The following BANK1 variants were observed in gnomAD, a reference collection of about 807,000 sequenced individuals.
BANK1 encodes the protein B cell scaffold protein with ankyrin repeats 1.
Under a neutral mutation model 94.5 loss-of-function variants are expected in BANK1, and 95 were observed. The ratio of observed to expected loss-of-function variants is 1.00; its 90% CI spans 0.85 to 1.19. The LOEUF is 1.19. Ranked by LOEUF, BANK1 falls within the 50% of genes most tolerant of loss-of-function variation. BANK1 has a pLI of 0.00. For missense variants in BANK1, 987 were observed against 932.2 expected (o/e 1.06, Z -0.77); for synonymous variants, 334 against 308.4 (o/e 1.08, Z -0.87).
At chr4:101,989,995 G>A (rs1253442733) in intron 7 of BANK1, among the ~76,000 whole-genome samples, 1 of 152,010 alleles carries the variant, frequency 6.6e-6, no homozygotes, top group African/African-American at 2.4e-5. Context: ...CAAATATCAT[G>A]TGAAGTGGTG....
At chr4:102,062,827 ACTGTACCTCT>A (rs545126720) in intron 12 of BANK1, 236 of 408,084 alleles carry the variant, frequency 5.8e-4, no homozygotes, top group Non-Finnish European at 9.6e-4. Flanking sequence ...TGGGAAAGTT[ACTGTACCTCT>A]CTGTACCTCA....
At chr4:101,851,232 T>C (rs1457537901) in intron 2 of BANK1, among the ~76,000 whole-genome samples, 1 of 152,180 alleles carries the variant, frequency 6.6e-6, no homozygotes, top group East Asian at 1.9e-4. Flanking sequence ...ATTGCTGATG[T>C]GGAGAAAGTT....
At chr4:102,053,392 C>G (rs1361893031) in intron 11 of BANK1, among the ~76,000 whole-genome samples, 1 of 152,068 alleles carries the variant, frequency 6.6e-6, no homozygotes, top group Non-Finnish European at 1.5e-5. Flanking sequence ...AGTACTTTAA[C>G]TTACATTTTC....
chr4:102,053,921 C>T (rs1023568245), intron 11 of BANK1, among the ~76,000 whole-genome samples: 1 of 151,420 alleles, frequency 6.6e-6, no homozygotes, highest in Admixed American at 6.6e-5. Flanking sequence ...TAAAAAGTAA[C>T]CACTACTTTC....
chr4:101,953,014 C>T (rs1173770523), intron 7 of BANK1, among the ~76,000 whole-genome samples: 2 of 152,034 alleles, frequency 1.3e-5, no homozygotes, highest in Non-Finnish European at 2.9e-5. Flanking sequence ...AGGGCTTTTG[C>T]CGACATCTGC....
chr4:101,907,717 C>A (rs1347420566), intron 6 of BANK1, among the ~76,000 whole-genome samples: 3 of 152,186 alleles, frequency 2.0e-5, no homozygotes, highest in Admixed American at 6.5e-5. Context: ...TCTCAGGATA[C>A]AAAATCAATG....
At chr4:101,895,030 TATAAA>T (rs1297551191) in intron 5 of BANK1, among the ~76,000 whole-genome samples, 1 of 151,776 alleles carries the variant, frequency 6.6e-6, no homozygotes, top group Non-Finnish European at 1.5e-5. Flanking sequence ...ATTTTATAGT[TATAAA>T]ATATAAAGTT....
At chr4:101,956,948 ATCT>A (rs1355343866) in intron 7 of BANK1, among the ~76,000 whole-genome samples, 3 of 152,168 alleles carry the variant, frequency 2.0e-5, no homozygotes, top group African/African-American at 7.2e-5. Context: ...CAGTTTTCAT[ATCT>A]TGATCTTGCC....
At chr4:101,945,915 A>G (rs149523531) in intron 7 of BANK1, among the ~76,000 whole-genome samples, 1 of 151,986 alleles carries the variant, frequency 6.6e-6, no homozygotes, top group Non-Finnish European at 1.5e-5. Flanking sequence ...ATATTACAAA[A>G]TTGGCAAAAA....
intron 7 of BANK1, among the ~76,000 whole-genome samples, chr4:101,919,655 T>A (rs1372256764): frequency 6.6e-6 from 1 of 152,040 alleles, no homozygotes; most frequent in African/African-American, 2.4e-5. Flanking sequence ...ACTTGATAAT[T>A]CTTGTGTGAA....
At chr4:102,021,472 A>T in intron 7 of BANK1, 42 bp from the exon 8 acceptor site, 1 of 861,898 alleles carries the variant, frequency 1.2e-6, no homozygotes, top group African/African-American at 1.8e-5. Context: ...GTGCATATTT[A>T]TTAAGATTAA....
At chr4:101,879,986 C>T (rs999043322) in intron 5 of BANK1, among the ~76,000 whole-genome samples, 1 of 152,038 alleles carries the variant, frequency 6.6e-6, no homozygotes, top group South Asian at 2.1e-4. Context: ...TACTATCATA[C>T]TGAATGGGTA....
intron 2 of BANK1, among the ~76,000 whole-genome samples, chr4:101,852,885 G>T (rs1727542199): frequency 6.6e-6 from 1 of 152,086 alleles, no homozygotes; most frequent in Middle Eastern, 3.4e-3. Context: ...TATCACAGAA[G>T]AATTAGCAGA....
chr4:101,795,199 C>T (rs930974913), intron 1 of BANK1, among the ~76,000 whole-genome samples: 1 of 152,016 alleles, frequency 6.6e-6, no homozygotes, highest in African/African-American at 2.4e-5. Flanking sequence ...AAATTTTAGC[C>T]TTCTTGTAAT....
chr4:101,848,805 G>C (rs973364610), intron 2 of BANK1, among the ~76,000 whole-genome samples: 1 of 152,138 alleles, frequency 6.6e-6, no homozygotes. Context: ...CAATGGCAAG[G>C]GTCTCTAACT....
intron 1 of BANK1, among the ~76,000 whole-genome samples, chr4:101,798,585 A>G (rs1725242305): frequency 6.6e-6 from 1 of 152,176 alleles, no homozygotes; most frequent in Non-Finnish European, 1.5e-5. Flanking sequence ...CAACAGTGTA[A>G]AAGTGTTCCT....
At chr4:102,054,244 T>C (rs541796741) in intron 11 of BANK1, among the ~76,000 whole-genome samples, 3 of 152,222 alleles carry the variant, frequency 2.0e-5, no homozygotes, top group Non-Finnish European at 4.4e-5. Context: ...AATTCTGTTA[T>C]ACTCTGAAGG....
At chr4:101,897,167 C>G (rs1722112419) in intron 6 of BANK1, among the ~76,000 whole-genome samples, 1 of 151,870 alleles carries the variant, frequency 6.6e-6, no homozygotes. Flanking sequence ...TAGTCATAAC[C>G]TTCATTCAAG....
intron 1 of BANK1, among the ~76,000 whole-genome samples, chr4:101,815,080 C>G (rs564529637): frequency 6.6e-6 from 1 of 152,182 alleles, no homozygotes. Context: ...GCCTTTGTTA[C>G]TGATGAAGTT....
Sources: allele counts gnomAD v4.1 joint callset (sites outside exome capture counted in the v4.1 genomes callset), GRCh38; gene constraint gnomAD v4.1.1; transcripts MANE v1.5; gene names NCBI Gene and HGNC (gene_info 2026-07-23, HGNC 2026-07-21).